The following SERPINB5 variants were observed in gnomAD, a reference collection of about 807,000 sequenced individuals.
The protein encoded by SERPINB5 is serpin B5.
A neutral mutation model predicts 32.2 loss-of-function variants in SERPINB5; 27 were observed. That is an observed-to-expected ratio of 0.84 (90% CI 0.62 to 1.16). The LOEUF is 1.16. Among genes scored for constraint, SERPINB5 ranks in the 50% most tolerant of loss-of-function variants. The pLI, the probability that SERPINB5 is intolerant of heterozygous loss-of-function variation, is 0.00. For missense variants in SERPINB5, 388 were observed against 436.3 expected (o/e 0.89, Z 0.99); for synonymous variants, 154 against 157.4 (o/e 0.98, Z 0.16).
intron 1 of SERPINB5, among the ~76,000 whole-genome samples, chr18:63,479,308 A>G (rs1599386026): frequency 6.6e-6 from 1 of 152,320 alleles, no homozygotes; most frequent in East Asian, 1.9e-4. Flanking sequence ...TTTCTCACCT[A>G]AATGGTCTAA....
intron 4 of SERPINB5, among the ~76,000 whole-genome samples, chr18:63,492,219 A>G (rs2144502303): frequency 6.6e-6 from 1 of 152,310 alleles, no homozygotes; most frequent in South Asian, 2.1e-4. Flanking sequence ...TAATAACTGC[A>G]ATTGTGATTG....
At chr18:63,479,425 A>AC (rs935205811) in intron 1 of SERPINB5, among the ~76,000 whole-genome samples, 2 of 152,152 alleles carry the variant, frequency 1.3e-5, no homozygotes, top group Non-Finnish European at 2.9e-5. Context: ...GCACGGCCCT[A>AC]CCCCCAGCCC....
chr18:63,496,658 A>G (rs1035413418), intron 5 of SERPINB5, among the ~76,000 whole-genome samples: 2 of 152,232 alleles, frequency 1.3e-5, no homozygotes, highest in Admixed American at 6.5e-5. Context: ...ATGCAAGTTT[A>G]CTGGAGTATT....
intron 1 of SERPINB5, among the ~76,000 whole-genome samples, chr18:63,482,353 C>G (rs1354017959): frequency 6.6e-6 from 1 of 152,210 alleles, no homozygotes. Flanking sequence ...AGCTTACTTT[C>G]TAATGCCAGG....
chr18:63,503,231 G>T, intron 6 of SERPINB5, 99 bp from the exon 7 acceptor site: 1 of 1,349,930 alleles, frequency 7.4e-7, no homozygotes, highest in Non-Finnish European at 9.9e-7. Context: ...AGACTGCTTT[G>T]AAGCTGGGCT....
At chr18:63,481,062 C>T (rs1917119552) in intron 1 of SERPINB5, among the ~76,000 whole-genome samples, 1 of 152,184 alleles carries the variant, frequency 6.6e-6, no homozygotes, top group Admixed American at 6.5e-5. Flanking sequence ...GAGAAAGCCC[C>T]AGAGATGTTA....
intron 6 of SERPINB5, among the ~76,000 whole-genome samples, chr18:63,500,940 C>G (rs1354541834): frequency 1.3e-5 from 2 of 152,100 alleles, no homozygotes; most frequent in Non-Finnish European, 2.9e-5. Context: ...ATCTTTCAGC[C>G]ATTATCCAGC....
chr18:63,492,747 C>A (rs1401192558), intron 4 of SERPINB5, among the ~76,000 whole-genome samples: 1 of 152,196 alleles, frequency 6.6e-6, no homozygotes, highest in Non-Finnish European at 1.5e-5. Context: ...CTCCTTCATT[C>A]TCCTCTGCTG....
chr18:63,497,357 T>A, intron 5 of SERPINB5: 1 of 1,309,658 alleles, frequency 7.6e-7, no homozygotes. Flanking sequence ...GCCATGGGGC[T>A]CTTCTGTTTG....
chr18:63,493,080 T>C lies in SERPINB5; in HGVS notation c.552T>C (p.Pro184=), dbSNP rs1376097441. ...KFSESETKEC[P]FRVNKTDTKP... ...CTGAATCAGAAACAAAAGAATGTCC[T>C]TTCAGAGTCAACAAGGTATGTGGGG... Residue 184 remains proline, a synonymous_variant, in exon 5 of 7, where the codon CCT becomes CCC. Transcript: ENST00000382771. The C allele has an allele frequency of 1.2e-6, 2 of 1,614,082 alleles. No individual in the cohort carries two copies. The highest frequency in any genetic ancestry group is 3.3e-5 in the Admixed American group (2 of 59,988).
chr18:63,501,264 A>G (rs931029027), intron 6 of SERPINB5, among the ~76,000 whole-genome samples: 3 of 142,492 alleles, frequency 2.1e-5, no homozygotes, highest in African/African-American at 5.2e-5. Flanking sequence ...TCATGGTTCA[A>G]TTCCCACCTA....
At chr18:63,499,389 C>T (rs1332652303) in intron 6 of SERPINB5, 102 bp downstream of exon 6, 9 of 1,006,126 alleles carry the variant, frequency 8.9e-6, no homozygotes, top group Non-Finnish European at 1.2e-5. Context: ...CGGTAGCCCT[C>T]CCTTATTGCC....
intron 1 of SERPINB5, among the ~76,000 whole-genome samples, chr18:63,481,113 C>G (rs895728243): frequency 7.2e-5 from 11 of 152,208 alleles, no homozygotes; most frequent in African/African-American, 2.7e-4. Context: ...CAACAGGGAC[C>G]TGGATCTAAG....
intron 5 of SERPINB5, 115 bp from the exon 6 acceptor site, chr18:63,499,005 A>AT (rs1218351882): frequency 2.1e-6 from 1 of 481,156 alleles, no homozygotes; most frequent in African/African-American, 2.0e-5. Flanking sequence ...GTCTGTATAT[A>AT]TACATGTGGG....
intron 1 of SERPINB5, among the ~76,000 whole-genome samples, chr18:63,481,609 T>C (rs1917128352): frequency 6.6e-6 from 1 of 152,246 alleles, no homozygotes; most frequent in Non-Finnish European, 1.5e-5. Flanking sequence ...TCATTACTTC[T>C]TGTACATGTT....
intron 2 of SERPINB5, chr18:63,486,647 A>C: frequency 3.9e-6 from 1 of 253,246 alleles, no homozygotes; most frequent in East Asian, 7.2e-5. Context: ...TCCCCTTCCC[A>C]CTCTGGGATA....
intron 3 of SERPINB5, among the ~76,000 whole-genome samples, chr18:63,488,208 G>C (rs1285465396): frequency 6.6e-6 from 1 of 152,204 alleles, no homozygotes; most frequent in African/African-American, 2.4e-5. Context: ...AATGGTGACA[G>C]TGAGTCCCAA....
chr18:63,493,214 G>C (rs1909377716), intron 5 of SERPINB5, 119 bp downstream of exon 5: 1 of 1,349,704 alleles, frequency 7.4e-7, no homozygotes, highest in South Asian at 1.2e-5. Context: ...CCGGCAAAGT[G>C]CCTTTCCTGA....
At chr18:63,495,314 G>C (rs1414692848) in intron 5 of SERPINB5, among the ~76,000 whole-genome samples, 1 of 152,074 alleles carries the variant, frequency 6.6e-6, no homozygotes, top group Non-Finnish European at 1.5e-5. Flanking sequence ...CTTTTATCTG[G>C]AGTGGAAGTG....
Sources: gnomAD v4.1 joint callset for allele counts (sites outside exome capture counted in the v4.1 genomes callset) on GRCh38, gnomAD v4.1.1 for gene constraint, MANE v1.5 for transcripts, NCBI Gene and HGNC (gene_info 2026-07-23, HGNC 2026-07-21) for gene names.